PCDH17: variants seen among roughly 807,000 people sequenced by gnomAD.
PCDH17 encodes the protein protocadherin-17.
In PCDH17, 21 loss-of-function variants were observed where a neutral mutation model predicts 67.7. That is an observed-to-expected ratio of 0.31 (90% CI 0.22 to 0.45). PCDH17 has a LOEUF of 0.45. Ranked by LOEUF, PCDH17 falls within the 20% of genes least tolerant of loss-of-function variation. PCDH17 has a pLI of 1.00. For synonymous variants in PCDH17, 701 were observed against 656.7 expected, an observed-to-expected ratio of 1.07 and a Z score of -1.03; for missense variants, 1,471 against 1,564.8, an observed-to-expected ratio of 0.94 and a Z score of 1.01.
chr13:57,677,921 T>A (rs1281089108), intron 3 of PCDH17, among the ~76,000 whole-genome samples: 1 of 151,650 alleles, frequency 6.6e-6, no homozygotes, highest in African/African-American at 2.4e-5. Flanking sequence ...GCCTAGAGGA[T>A]TAGAGAGATG....
At chr13:57,648,280 T>A (rs972697130) in intron 1 of PCDH17, among the ~76,000 whole-genome samples, 2 of 151,914 alleles carry the variant, frequency 1.3e-5, no homozygotes, top group African/African-American at 4.8e-5. Context: ...ACCTATTATC[T>A]TTTTAGAGCA....
intron 1 of PCDH17, among the ~76,000 whole-genome samples, chr13:57,646,781 A>T (rs1325032920): frequency 6.6e-6 from 1 of 151,812 alleles, no homozygotes; most frequent in Non-Finnish European, 1.5e-5. Context: ...GAAGTTCTCA[A>T]TGCAGAATTT....
chr13:57,713,747 G>A (rs559629953), intron 3 of PCDH17, among the ~76,000 whole-genome samples: 21 of 151,520 alleles, frequency 1.4e-4, no homozygotes, highest in Middle Eastern at 6.8e-3. Flanking sequence ...ACATGTACGC[G>A]TATGCATGAA....
intron 3 of PCDH17, among the ~76,000 whole-genome samples, chr13:57,674,066 A>AT (rs1373675940): frequency 6.6e-6 from 1 of 151,932 alleles, no homozygotes; most frequent in Non-Finnish European, 1.5e-5. Context: ...AAATAGAGAG[A>AT]TTTTATGATT....
At position 57,633,111 on chromosome 13, in the gene PCDH17, G is replaced by A. The variant is rs369752448; in HGVS notation, c.565G>A (p.Gly189Ser). Residue 189 changes from glycine to serine, a missense_variant, in exon 1 of 4, where the codon GGC becomes AGC. Physicochemically the swap from Gly to Ser is moderately conservative, Grantham distance 56 (BLOSUM62 0). This residue lies in a region of PCDH17 where 1,163 missense variants were observed against 1,230.0 expected (regional missense o/e 0.95). Transcript: ENST00000377918. The surrounding 1 kb of genome is among the most constrained non-coding windows in gnomAD (Gnocchi z 6.2). ...FGLDVKSRGDGTKFPELVIQK... is the reference protein window; with the variant it reads ...FGLDVKSRGDSTKFPELVIQK... Reference sequence around the variant, plus strand: ...ACTGGACGTTAAGTCCCGCGGCGACGGCACCAAGTTCCCAGAACTGGTCAT... The same window carrying A: ...ACTGGACGTTAAGTCCCGCGGCGACAGCACCAAGTTCCCAGAACTGGTCAT... 1.9e-6 allele frequency: 3 copies of A among 1,613,336 alleles called. No homozygotes were observed. The highest frequency in any genetic ancestry group is 1.7e-5 in the Admixed American group (1 of 59,990).
chr13:57,678,517 CAG>C (rs765723951), intron 3 of PCDH17, among the ~76,000 whole-genome samples: 8 of 151,556 alleles, frequency 5.3e-5, no homozygotes, highest in Non-Finnish European at 1.0e-4. Flanking sequence ...AAAACATAAA[CAG>C]AGATGTGGAA....
At chr13:57,706,028 A>T (rs543552361) in intron 3 of PCDH17, among the ~76,000 whole-genome samples, 2 of 152,058 alleles carry the variant, frequency 1.3e-5, no homozygotes, top group Non-Finnish European at 2.9e-5. Flanking sequence ...AAAAAAAAAA[A>T]AAATACCCTT....
Position 57,633,318 on chromosome 13 carries a change from C to CT in PCDH17, c.773dup (p.Thr260TyrfsTer13). 6.2e-7 allele frequency: 1 copy of CT among 1,613,312 alleles called. No homozygotes were observed. The highest frequency in any genetic ancestry group is 8.5e-7 in the Non-Finnish European group (1 of 1,180,018). On this transcript the variant is annotated frameshift_variant, in exon 1 of 4. Coordinates refer to ENST00000377918, the MANE Select transcript of PCDH17 (RefSeq NM_001040429.3). LOFTEE classifies it high-confidence loss of function. The surrounding 1 kb of genome is among the most constrained non-coding windows in gnomAD (Gnocchi z 6.2). ...GGTGGAACTGCCCGAGAACGCTCCG[C>CT]TGGGTACAGTGGTCATCGATCTGAA...
chr13:57,676,343 A>G (rs1319927517), intron 3 of PCDH17, among the ~76,000 whole-genome samples: 1 of 151,888 alleles, frequency 6.6e-6, no homozygotes, highest in East Asian at 1.9e-4. Flanking sequence ...GTAGCTGCCT[A>G]AACAGTAGTG....
chr13:57,651,200 C>A (rs1955033069), intron 1 of PCDH17, among the ~76,000 whole-genome samples: 1 of 152,018 alleles, frequency 6.6e-6, no homozygotes, highest in Non-Finnish European at 1.5e-5. Flanking sequence ...ACTGCATTTT[C>A]CTTAAAATTG....
intron 1 of PCDH17, among the ~76,000 whole-genome samples, chr13:57,648,170 T>G (rs576446132): frequency 7.4e-4 from 113 of 151,964 alleles, no homozygotes; most frequent in African/African-American, 2.6e-3. Flanking sequence ...ATAGAAAGGC[T>G]CTAGGAGTGA....
chr13:57,651,554 T>C (rs557247849), intron 1 of PCDH17, among the ~76,000 whole-genome samples: 15 of 151,988 alleles, frequency 9.9e-5, no homozygotes, highest in Admixed American at 4.6e-4. Flanking sequence ...CCCAGGCTGG[T>C]CTCAAACTCC....
chr13:57,682,042 A>G (rs1029327801), intron 3 of PCDH17, among the ~76,000 whole-genome samples: 8 of 151,720 alleles, frequency 5.3e-5, no homozygotes, highest in African/African-American at 1.9e-4. Flanking sequence ...ATTAAAATAG[A>G]GCAGCAACAA....
At chr13:57,671,521 G>A (rs1396861865) in intron 3 of PCDH17, among the ~76,000 whole-genome samples, 1 of 151,834 alleles carries the variant, frequency 6.6e-6, no homozygotes, top group Non-Finnish European at 1.5e-5. Flanking sequence ...AGTAAGTACT[G>A]TATCTTTGAA....
intron 1 of PCDH17, among the ~76,000 whole-genome samples, chr13:57,639,592 A>T (rs1593892533): frequency 6.6e-6 from 1 of 152,088 alleles, no homozygotes; most frequent in East Asian, 1.9e-4. Flanking sequence ...TAAAATTTTC[A>T]AAATGCAAGC....
rs867283492 is a variant in PCDH17, at chr13:57,681,393, T to C, written c.2797+14560T>C. ...TACTTCAGCACCACCTATAGTCATA[T>C]GATTAACTGTGATTATTTATTAGTA... On this transcript the variant is annotated intron_variant, in intron 3 of 3. Coordinates refer to ENST00000377918, the MANE Select transcript of PCDH17 (RefSeq NM_001040429.3). Among the ~76,000 whole-genome samples the C allele has an allele frequency of 2.3e-4, 35 of 151,966 alleles. 1 individual carries two copies. In the Middle Eastern group the frequency reaches 0.01, roughly 44 times the overall value.
rs1241294127 is a variant in PCDH17 at position 57,634,866 on chromosome 13, G to A, written c.2320G>A (p.Val774Met). 1.9e-6 allele frequency: 3 copies of A among 1,614,010 alleles called. No individual in the cohort carries two copies. The highest frequency in any genetic ancestry group is 1.7e-5 in the Admixed American group (1 of 60,002). The change falls in exon 1 of 4, where the codon GTG (valine) becomes ATG (methionine). Residue 774 changes from valine to methionine, a missense_variant. Physicochemically the swap from Val to Met is conservative, Grantham distance 21. Transcript: ENST00000377918. This position sits in a 1 kb window ranked among gnomAD's most constrained non-coding sequence, Gnocchi z 7.8. Reference protein sequence around the residue: ...KNDIMLVQSEVEERNAMNVMN... With the variant: ...KNDIMLVQSEMEERNAMNVMN... ...TGATATCATGCTGGTGCAGAGCGAAGTGGAGGAGAGGAACGCCATGAACGT... is the reference window on the plus strand; with the variant it reads ...TGATATCATGCTGGTGCAGAGCGAAATGGAGGAGAGGAACGCCATGAACGT...
Position 57,634,371 on chromosome 13 carries a change from A to G in PCDH17, c.1825A>G (p.Thr609Ala), listed in dbSNP as rs772074988. 3 of 1,612,538 alleles carry G rather than the reference A, an allele frequency of 1.9e-6. No homozygotes were observed. The highest frequency in any genetic ancestry group is 2.5e-6 in the Non-Finnish European group (3 of 1,179,896). Reference protein sequence around the residue: ...RNAGLGYLVSTVRALDSDFGE... With the variant: ...RNAGLGYLVSAVRALDSDFGE... ...CGCTGGCCTGGGCTATCTGGTGAGC[A>G]CTGTGCGCGCCCTAGACAGCGACTT... Residue 609 changes from threonine to alanine, a missense_variant, in exon 1 of 4, where the codon ACT (threonine) becomes GCT (alanine). This residue lies in a region of PCDH17 where 1,163 missense variants were observed against 1,230.0 expected (regional missense o/e 0.95). Transcript: ENST00000377918. The surrounding 1 kb of genome is among the most constrained non-coding windows in gnomAD (Gnocchi z 7.8).
At chr13:57,650,308 C>A (rs1289219142) in intron 1 of PCDH17, among the ~76,000 whole-genome samples, 2 of 147,284 alleles carry the variant, frequency 1.4e-5, no homozygotes, top group East Asian at 2.1e-4. Flanking sequence ...AGACCACGTG[C>A]CTGTAGGCCT....
Sources: gnomAD v4.1 joint callset for allele counts (sites outside exome capture counted in the v4.1 genomes callset) on GRCh38, gnomAD v4.1.1 for gene constraint, gnomAD v4.1.1 regional missense constraint, Gnocchi (gnomAD v3.1) non-coding constraint, MANE v1.5 for transcripts, NCBI Gene and HGNC (gene_info 2026-07-23, HGNC 2026-07-21) for gene names.